Variants in PCSK5 observed in about 807,000 individuals in gnomAD.
PCSK5 encodes the protein prohormone convertase 5.
Under a neutral mutation model 233.2 loss-of-function variants are expected in PCSK5, and 129 were observed. The observed-to-expected ratio is 0.55, with a 90% CI of 0.48 to 0.64. The LOEUF is 0.64. Ranked by LOEUF, PCSK5 falls within the 30% of genes least tolerant of loss-of-function variation. The pLI is 0.00. For synonymous variants in PCSK5, 825 were observed against 879.2 expected, an observed-to-expected ratio of 0.94 and a Z score of 1.09; for missense variants, 2,076 against 2,430.1, an observed-to-expected ratio of 0.85 and a Z score of 3.06.
At chr9:76,130,812 A>T (rs1822734570) in intron 9 of PCSK5, among the ~76,000 whole-genome samples, 1 of 152,086 alleles carries the variant, frequency 6.6e-6, no homozygotes, top group South Asian at 2.1e-4. Flanking sequence ...TCCAGGAAGA[A>T]ATTTGAGGGG....
rs58659276 is a variant in PCSK5 at position 76,124,745 on chromosome 9, CAAAAAAAAAAAAAA to C, written c.1209-9353_1209-9340del. Among the ~76,000 whole-genome samples, 22 of 92,150 alleles carry C rather than the reference CAAAAAAAAAAAAAA, an allele frequency of 2.4e-4. 1 individual carries two copies. In the Admixed American group the frequency reaches 2.8e-3, roughly 12 times the overall value. 60.5% of individuals were successfully genotyped at this position (92,150 alleles called of 152,430 possible). A position where few individuals can be genotyped will look rare whatever the true frequency, so the allele number is the denominator to read the frequency against. ...CTGGCGACAGAGCAAGACTCCATCT[CAAAAAAAAAAAAAA>C]AAAAAAAAAATGCAAGAAGTCGTCA... On this transcript the variant is annotated intron_variant, in intron 9 of 37. Transcript: ENST00000674117.
rs191071707 is a variant in PCSK5 at position 76,267,425 on chromosome 9, T to C, written c.3143-24808T>C. 1.4e-3 allele frequency among the ~76,000 whole-genome samples: 212 copies of C among 152,288 alleles called. 2 individuals carry two copies. The highest frequency in any genetic ancestry group is 6.8e-3 in the Middle Eastern group (2 of 294). Reference sequence around the variant, plus strand: ...AGCCTGCTTTCTACTTTATGTGTGATTGTGTAAACTTAATCATACTGCAAA... The same window carrying C: ...AGCCTGCTTTCTACTTTATGTGTGACTGTGTAAACTTAATCATACTGCAAA... On this transcript the variant is annotated intron_variant, in intron 24 of 37. Transcript: ENST00000674117.
chr9:75,983,355 A>G (rs767474065), intron 2 of PCSK5, among the ~76,000 whole-genome samples: 1 of 152,132 alleles, frequency 6.6e-6, no homozygotes, highest in Non-Finnish European at 1.5e-5. Flanking sequence ...TTCCAAAATA[A>G]TGAGATACAA....
rs186557485 is a variant in PCSK5 at position 76,327,201 on chromosome 9, G to A, written c.4340-808G>A. Among the ~76,000 whole-genome samples, 255 of 151,570 alleles carry A rather than the reference G, an allele frequency of 1.7e-3. 1 individual carries two copies. Among genetic ancestry groups the A allele is most frequent in the Non-Finnish European group, 3.0e-3 (201 of 67,920 alleles). ...AGCTCACTGCAGCCTTGACCTCCTG[G>A]GCTCAGGAGATCCTTCCACCTTAGC... is the stretch of plus-strand genomic sequence containing the variant. On this transcript the variant is annotated intron_variant, in intron 32 of 37. Transcript: ENST00000674117.
Position 76,297,667 on chromosome 9 carries a change from T to C in PCSK5, c.3523+802T>C, listed in dbSNP as rs528124515. The stretch of plus-strand genomic sequence containing the variant: ...TGTTGGAAAAATCTGACTCATGTTC[T>C]ATGCGGAGACAGTCACAAAAACAGG... On this transcript the variant is annotated intron_variant, in intron 27 of 37. Coordinates refer to ENST00000674117, the MANE Select transcript of PCSK5 (RefSeq NM_001372043.1). Among the ~76,000 whole-genome samples, 14 of 152,350 alleles carry C rather than the reference T, an allele frequency of 9.2e-5. No homozygotes were observed. In the South Asian group the frequency reaches 2.9e-3, roughly 32 times the overall value.
At chr9:76,123,264 T>G (rs994685794) in intron 9 of PCSK5, among the ~76,000 whole-genome samples, 3 of 152,232 alleles carry the variant, frequency 2.0e-5, no homozygotes, top group African/African-American at 7.2e-5. Flanking sequence ...TTTAAGTGTT[T>G]TTGAATCTAA....
intron 24 of PCSK5, among the ~76,000 whole-genome samples, chr9:76,290,974 G>A (rs2131405672): frequency 1.3e-5 from 2 of 152,298 alleles, no homozygotes; most frequent in East Asian, 1.9e-4. Flanking sequence ...TGACATTTGT[G>A]CAAGTTCACA....
chr9:76,132,337 T>C (rs1298781231), intron 9 of PCSK5, among the ~76,000 whole-genome samples: 1 of 152,120 alleles, frequency 6.6e-6, no homozygotes, highest in African/African-American at 2.4e-5. Context: ...GGTTCTATAA[T>C]TGATTCCTAA....
At chr9:75,951,727 AT>A (rs1393168714) in intron 2 of PCSK5, among the ~76,000 whole-genome samples, 4 of 152,246 alleles carry the variant, frequency 2.6e-5, no homozygotes, top group Admixed American at 6.5e-5. Flanking sequence ...AACAGTAAAA[AT>A]AATACAATAA....
chr9:75,932,394 G>A lies in PCSK5; in HGVS notation c.208G>A (p.Asp70Asn), dbSNP rs1430511857. ...TCCTTTGCAGATAGGGGCCCTGAAG[G>A]ACTACTACCACTTCTACCATAGCAG... is the stretch of plus-strand genomic sequence containing the variant. The part of the protein sequence containing the change: ...INIGQIGALK[D>N]YYHFYHSRTI... Residue 70 changes from aspartate (D) to asparagine (N), a missense_variant, in exon 2 of 38, where the codon GAC (aspartate) becomes AAC (asparagine). By Grantham distance (23) the Asp-to-Asn change is conservative (BLOSUM62 1). This residue lies in a region of PCSK5 where 190 missense variants were observed against 216.3 expected (regional missense o/e 0.88). Transcript: ENST00000674117. The A allele has an allele frequency of 5.0e-6, 8 of 1,608,572 alleles. No individual in the cohort carries two copies. Among genetic ancestry groups the A allele is most frequent in the Non-Finnish European group, 6.0e-6 (7 of 1,175,324 alleles).
At chr9:76,006,348 T>C (rs1197917384) in intron 3 of PCSK5, among the ~76,000 whole-genome samples, 3 of 152,190 alleles carry the variant, frequency 2.0e-5, no homozygotes, top group Non-Finnish European at 4.4e-5. Flanking sequence ...TATTTTGTTA[T>C]TGTGTTTTGT....
intron 1 of PCSK5, among the ~76,000 whole-genome samples, chr9:75,924,754 C>T (rs1213871440): frequency 5.9e-5 from 9 of 152,140 alleles, no homozygotes; most frequent in Admixed American, 1.3e-4. Context: ...TTCTGGACAG[C>T]GGTTGAGATC....
chr9:75,957,973 C>T (rs945770460), intron 2 of PCSK5, among the ~76,000 whole-genome samples: 6 of 152,034 alleles, frequency 3.9e-5, no homozygotes, highest in African/African-American at 9.7e-5. Flanking sequence ...CCTTTCTTAC[C>T]TGAGAATGAT....
At chr9:76,209,848 C>T (rs1359260835) in intron 20 of PCSK5, among the ~76,000 whole-genome samples, 1 of 151,690 alleles carries the variant, frequency 6.6e-6, no homozygotes, top group African/African-American at 2.4e-5. Flanking sequence ...CAAAGCACAA[C>T]CAAGCACAGA....
rs965951979 is a variant in PCSK5, at chr9:76,011,629, A to C, written c.412-12109A>C. ...AATTATCATGCTCTTTAAACATCAC[A>C]CATACTACAGTGTGGATTGTTTTTG... On this transcript the variant is annotated intron_variant, in intron 3 of 37. Transcript: ENST00000674117. Among the ~76,000 whole-genome samples, 11 of 152,196 alleles carry C rather than the reference A, an allele frequency of 7.2e-5. 1 individual carries two copies. The highest frequency in any genetic ancestry group is 2.7e-4 in the African/African-American group (11 of 41,450).
Position 75,944,111 on chromosome 9 carries a change from C to T in PCSK5, c.297+11628C>T, listed in dbSNP as rs535504446. On this transcript the variant is annotated intron_variant, in intron 2 of 37. Coordinates refer to ENST00000674117, the MANE Select transcript of PCSK5 (RefSeq NM_001372043.1). Reference sequence around the variant, plus strand: ...CAGGGAGGTTGAGGCTGCAGTGAGCCGAGATTACACCACTGCACTCCAGCC... The same window carrying T: ...CAGGGAGGTTGAGGCTGCAGTGAGCTGAGATTACACCACTGCACTCCAGCC... Among the ~76,000 whole-genome samples the T allele has an allele frequency of 6.6e-5, 10 of 150,956 alleles. No individual in the cohort carries two copies. In the South Asian group the frequency reaches 1.5e-3, roughly 22 times the overall value.
intron 24 of PCSK5, among the ~76,000 whole-genome samples, chr9:76,279,181 C>T (rs11144815): frequency 0.38 from 56,033 of 147,880 alleles, 12,365 homozygotes; most frequent in East Asian, 0.69. Context: ...TTTGTTCTTG[C>T]GATAGTTTAC....
intron 5 of PCSK5, among the ~76,000 whole-genome samples, chr9:76,028,664 G>A (rs1828530221): frequency 6.6e-6 from 1 of 152,078 alleles, no homozygotes; most frequent in African/African-American, 2.4e-5. Flanking sequence ...AGCAATTTGG[G>A]GAGTTCACAC....
At chr9:75,918,665 G>A (rs1194326423) in intron 1 of PCSK5, among the ~76,000 whole-genome samples, 1 of 152,064 alleles carries the variant, frequency 6.6e-6, no homozygotes, top group Non-Finnish European at 1.5e-5. Flanking sequence ...TTGTTGTGAC[G>A]AAGATGGTCA....
Sources: allele counts gnomAD v4.1 joint callset (sites outside exome capture counted in the v4.1 genomes callset), GRCh38; gene constraint gnomAD v4.1.1; regional missense constraint gnomAD v4.1.1; transcripts MANE v1.5; gene names NCBI Gene and HGNC (gene_info 2026-07-23, HGNC 2026-07-21).